The following CD200R1 variants were observed in gnomAD, a reference collection of about 807,000 sequenced individuals.
The protein encoded by CD200R1 is cell surface glycoprotein CD200 receptor 1.
In CD200R1, 30 loss-of-function variants were observed where a neutral mutation model predicts 38.1. That is an observed-to-expected ratio of 0.79 (90% CI 0.59 to 1.07). CD200R1 has a LOEUF of 1.07. Ranked by LOEUF, CD200R1 falls within the 50% of genes least tolerant of loss-of-function variation. CD200R1 has a pLI of 0.00. For missense variants in CD200R1, 372 were observed against 415.4 expected, an observed-to-expected ratio of 0.90 and a Z score of 0.91; for synonymous variants, 128 against 152.1, an observed-to-expected ratio of 0.84 and a Z score of 1.16.
At chr3:112,942,122 T>C (rs1448237234) in intron 2 of CD200R1, among the ~76,000 whole-genome samples, 1 of 151,516 alleles carries the variant, frequency 6.6e-6, no homozygotes, top group Admixed American at 6.6e-5. Flanking sequence ...ATAATATCAG[T>C]CAAAAACTCA....
chr3:112,972,659 C>A (rs1933339008), intron 1 of CD200R1, among the ~76,000 whole-genome samples: 1 of 152,064 alleles, frequency 6.6e-6, no homozygotes, highest in Non-Finnish European at 1.5e-5. Flanking sequence ...TTTTATTTTT[C>A]CCCTTAGGTT....
intron 2 of CD200R1, among the ~76,000 whole-genome samples, chr3:112,946,032 CAAAAAAAAA>C (rs1208921538): frequency 1.4e-5 from 1 of 71,852 alleles, no homozygotes; most frequent in African/African-American, 5.6e-5. Flanking sequence ...GACTCCGTCT[CAAAAAAAAA>C]AAAAAAAAAA....
intron 2 of CD200R1, among the ~76,000 whole-genome samples, chr3:112,941,250 T>A (rs1940722129): frequency 2.6e-5 from 4 of 151,682 alleles, no homozygotes; most frequent in Non-Finnish European, 4.4e-5. Context: ...TACTGTAGGA[T>A]GACTATAGTT....
intron 2 of CD200R1, among the ~76,000 whole-genome samples, chr3:112,941,628 T>A (rs973712263): frequency 6.6e-6 from 1 of 151,466 alleles, no homozygotes; most frequent in Non-Finnish European, 1.5e-5. Context: ...AGTTGCTATA[T>A]TGTAGTTAAA....
intron 6 of CD200R1, 96 bp downstream of exon 6, chr3:112,924,989 A>G (rs1940249116): frequency 4.1e-6 from 3 of 732,402 alleles, no homozygotes; most frequent in Non-Finnish European, 7.1e-6. Flanking sequence ...ATTTGATGTT[A>G]ACATCCTAAT....
intron 1 of CD200R1, among the ~76,000 whole-genome samples, chr3:112,960,122 A>G (rs1403504081): frequency 6.6e-6 from 1 of 152,070 alleles, no homozygotes; most frequent in East Asian, 1.9e-4. Context: ...TCACAAACAG[A>G]TTCAGAAATT....
intron 1 of CD200R1, among the ~76,000 whole-genome samples, chr3:112,948,456 G>A (rs368403430): frequency 6.6e-6 from 1 of 152,230 alleles, no homozygotes; most frequent in Non-Finnish European, 1.5e-5. Context: ...GATAGTTCTC[G>A]GATGAAACTG....
chr3:112,936,547 A>G (rs1940587380), intron 2 of CD200R1, among the ~76,000 whole-genome samples: 1 of 152,090 alleles, frequency 6.6e-6, no homozygotes. Context: ...CATTTCTCTA[A>G]TGATCAGTGA....
intron 7 of CD200R1, 31 bp downstream of exon 7, chr3:112,924,458 GT>G: frequency 7.7e-7 from 1 of 1,294,398 alleles, no homozygotes; most frequent in Non-Finnish European, 1.0e-6. Context: ...ATTGGCTTAA[GT>G]TTGCAATTAG....
At chr3:112,948,710 C>T (rs1457628301) in intron 1 of CD200R1, among the ~76,000 whole-genome samples, 1 of 152,096 alleles carries the variant, frequency 6.6e-6, no homozygotes, top group Non-Finnish European at 1.5e-5. Flanking sequence ...GTTGGGGACC[C>T]GTGATATAGA....
intron 1 of CD200R1, among the ~76,000 whole-genome samples, chr3:112,954,017 C>T (rs757608775): frequency 6.6e-6 from 1 of 151,990 alleles, no homozygotes; most frequent in Non-Finnish European, 1.5e-5. Context: ...GGTCAACATT[C>T]GGTTGTTTAT....
intron 2 of CD200R1, among the ~76,000 whole-genome samples, chr3:112,940,818 G>A (rs972262494): frequency 3.3e-5 from 5 of 151,574 alleles, no homozygotes; most frequent in African/African-American, 1.2e-4. Flanking sequence ...CAAAGGAAAG[G>A]AAATAAATAT....
In CD200R1 at chr3:112,967,577, T is replaced by A. The variant is rs185772168; in HGVS notation, c.67+7214A>T. Reference sequence around the variant, plus strand: ...AAATTCCATGAGAGCAGGACCTATGTCTGTCTTGATCAAATGTCCACAGCA... The same window carrying A: ...AAATTCCATGAGAGCAGGACCTATGACTGTCTTGATCAAATGTCCACAGCA... On this transcript the variant is annotated intron_variant, in intron 1 of 7. Coordinates refer to ENST00000308611, the MANE Select transcript of CD200R1 (RefSeq NM_138806.4). Among the ~76,000 whole-genome samples, 4 of 152,360 alleles carry A rather than the reference T, an allele frequency of 2.6e-5. No individual in the cohort carries two copies. In the East Asian group the frequency reaches 7.7e-4, roughly 29 times the overall value.
At chr3:112,954,072 A>C (rs1296949469) in intron 1 of CD200R1, among the ~76,000 whole-genome samples, 2 of 152,054 alleles carry the variant, frequency 1.3e-5, no homozygotes, top group Non-Finnish European at 1.5e-5. Context: ...ATTGCTATAA[A>C]TCTTCCTCTT....
intron 1 of CD200R1, among the ~76,000 whole-genome samples, chr3:112,967,464 A>G (rs769166380): frequency 1.3e-5 from 2 of 152,196 alleles, no homozygotes; most frequent in East Asian, 3.8e-4. Flanking sequence ...ACACATTTCT[A>G]TGTCACCCTA....
intron 2 of CD200R1, among the ~76,000 whole-genome samples, chr3:112,943,883 T>C (rs1940780781): frequency 1.3e-5 from 2 of 151,812 alleles, no homozygotes; most frequent in South Asian, 2.1e-4. Context: ...CTTGAAAAGA[T>C]ACAACCTGCC....
chr3:112,944,847 C>A (rs1033002710), intron 2 of CD200R1, among the ~76,000 whole-genome samples: 1 of 152,000 alleles, frequency 6.6e-6, no homozygotes, highest in Non-Finnish European at 1.5e-5. Flanking sequence ...TGTATTGACT[C>A]ATTGATGTGA....
intron 1 of CD200R1, among the ~76,000 whole-genome samples, chr3:112,973,927 G>T (rs1413644262): frequency 1.3e-5 from 2 of 152,232 alleles, no homozygotes; most frequent in South Asian, 2.1e-4. Flanking sequence ...AGATGTTGAA[G>T]AGTCTGTTCT....
intron 1 of CD200R1, among the ~76,000 whole-genome samples, chr3:112,963,926 C>A (rs937776727): frequency 7.2e-5 from 11 of 152,152 alleles, no homozygotes; most frequent in African/African-American, 2.7e-4. Context: ...TGTGTGCAGC[C>A]TAGGGACTTG....
Sources: gnomAD v4.1 joint callset for allele counts (sites outside exome capture counted in the v4.1 genomes callset) on GRCh38, gnomAD v4.1.1 for gene constraint, MANE v1.5 for transcripts, NCBI Gene and HGNC (gene_info 2026-07-23, HGNC 2026-07-21) for gene names.